ABCA6: variants seen among roughly 807,000 people sequenced by gnomAD.
The protein encoded by ABCA6 is ATP-binding cassette sub-family A member 6.
Under a neutral mutation model 191.2 loss-of-function variants are expected in ABCA6, and 164 were observed. The observed-to-expected ratio is 0.86, with a 90% confidence interval of 0.76 to 0.98. The LOEUF is 0.98. Ranked by LOEUF, ABCA6 falls within the 50% of genes least tolerant of loss-of-function variation. The pLI, the probability that ABCA6 is intolerant of heterozygous loss-of-function variation, is 0.00. For synonymous variants in ABCA6, 636 were observed against 647.7 expected (o/e 0.98, Z 0.27); for missense variants, 1,958 against 1,894.1 (o/e 1.03, Z -0.63).
Position 69,100,882 on chromosome 17 carries a change from A to G in ABCA6, c.2927T>C (p.Ile976Thr). The change falls in exon 22 of 39, where the codon ATT becomes ACT. Residue 976 changes from isoleucine to threonine, a missense_variant. Transcript: ENST00000284425. Reference sequence around the variant, plus strand: ...CCCATTGCTGATAATATTCATAAGAATTGGAAAACAGTGCAATCTCTTGGT... The same window carrying G: ...CCCATTGCTGATAATATTCATAAGAGTTGGAAAACAGTGCAATCTCTTGGT... The part of the protein sequence containing the change: ...CNTKRLHCFP[I>T]LMNIISNGLL... 1 of 1,610,724 alleles carries G rather than the reference A, an allele frequency of 6.2e-7. No homozygotes were observed. Among genetic ancestry groups the G allele is most frequent in the Non-Finnish European group, 8.5e-7 (1 of 1,177,650 alleles).
intron 37 of ABCA6, 54 bp from the exon 38 acceptor site, chr17:69,079,319 A>G (rs1339257211): frequency 1.4e-6 from 2 of 1,430,656 alleles, no homozygotes; most frequent in African/African-American, 2.9e-5. Flanking sequence ...TTTATTACCA[A>G]GAATTTTTTC....
chr17:69,104,092 G>C (rs1598463070), intron 20 of ABCA6: 1 of 151,910 alleles, frequency 6.6e-6, no homozygotes, highest in Non-Finnish European at 1.5e-5. Flanking sequence ...ACAGTCACTT[G>C]AGGTGCAATG....
Position 69,137,453 on chromosome 17 carries a change from G to A in ABCA6, c.144C>T (p.Ser48=), listed in dbSNP as rs528791988. The A allele has an allele frequency of 3.7e-6, 6 of 1,613,660 alleles. No individual in the cohort carries two copies. The highest frequency in any genetic ancestry group is 2.2e-5 in the South Asian group (2 of 91,084). The change falls in exon 3 of 39, where the codon TCC becomes TCT. Residue 48 remains serine (S), a synonymous_variant. Transcript: ENST00000284425. The stretch of plus-strand genomic sequence containing the variant: ...GAAACTGGACATTTCTCATGGAACT[G>A]GAAAACAGAGCAATACACAGTCCTA... ...ILLGLCIALF[S]SSMRNVQFPG...
chr17:69,101,196 T>G (rs1338130458), intron 21 of ABCA6, among the ~76,000 whole-genome samples: 1 of 152,230 alleles, frequency 6.6e-6, no homozygotes. Flanking sequence ...TTTATTTGTA[T>G]TACTAATTTT....
intron 4 of ABCA6, chr17:69,135,416 C>A (rs1053609558): frequency 6.6e-6 from 1 of 152,320 alleles, no homozygotes; most frequent in African/African-American, 2.4e-5. Flanking sequence ...ATTTTGGAAA[C>A]CGAATTACAC....
chr17:69,088,217 G>A lies in ABCA6; in HGVS notation c.3648C>T (p.Cys1216=). The part of the protein sequence containing the change: ...QTLLFVFVLR[C]MELKCGKKRM... ...TTTTCTTTCCACATTTTAGTTCCAT[G>A]CATCTTAGAACAAAAACGAATAGCA... Residue 1216 remains cysteine, a synonymous_variant, in exon 28 of 39, where the codon TGC becomes TGT. Transcript: ENST00000284425. 6.2e-7 allele frequency: 1 copy of A among 1,612,356 alleles called. No individual in the cohort carries two copies. The highest frequency in any genetic ancestry group is 1.1e-5 in the South Asian group (1 of 90,766).
intron 2 of ABCA6, among the ~76,000 whole-genome samples, chr17:69,139,156 G>C (rs1254752354): frequency 6.6e-6 from 1 of 152,092 alleles, no homozygotes; most frequent in African/African-American, 2.4e-5. Context: ...AGGGTGAACA[G>C]GCAACCTACA....
chr17:69,101,661 T>G (rs1044580297), intron 21 of ABCA6, among the ~76,000 whole-genome samples: 2 of 151,702 alleles, frequency 1.3e-5, no homozygotes, highest in Non-Finnish European at 2.9e-5. Flanking sequence ...GAGATAAGCA[T>G]GGAGTTCATT....
At chr17:69,128,929 A>C in intron 7 of ABCA6, 125 bp from the exon 8 acceptor site, 1 of 736,646 alleles carries the variant, frequency 1.4e-6, no homozygotes, top group Non-Finnish European at 2.1e-6. Context: ...GAAAGTGGTG[A>C]AAATATTAAG....
chr17:69,128,636 T>C lies in ABCA6; in HGVS notation c.1102A>G (p.Thr368Ala). The C allele has an allele frequency of 1.9e-6, 3 of 1,611,852 alleles. No individual in the cohort carries two copies. Among genetic ancestry groups the C allele is most frequent in the Non-Finnish European group, 2.5e-6 (3 of 1,178,854 alleles). ...GCTCTTACCTGAATCATTCCAGTAG[T>C]AAAGGCAAAAGGGCTACAAATATTC... ...ILNICSPFAFTTGMIQIIKLD... is the reference protein window; with the variant it reads ...ILNICSPFAFATGMIQIIKLD... The change falls in exon 8 of 39, where the codon ACT becomes GCT. Residue 368 changes from threonine (T) to alanine (A), a missense_variant. Transcript: ENST00000284425.
chr17:69,137,614 C>A (rs1028108269), intron 2 of ABCA6, 114 bp from the exon 3 acceptor site: 5 of 920,374 alleles, frequency 5.4e-6, no homozygotes, highest in Middle Eastern at 3.3e-4. Context: ...CAGTTATGTT[C>A]TCTCTGCTCT....
intron 28 of ABCA6, 143 bp downstream of exon 28, chr17:69,088,024 A>T: frequency 1.4e-6 from 1 of 710,704 alleles, no homozygotes; most frequent in Middle Eastern, 3.5e-4. Flanking sequence ...TCTTGGCAGT[A>T]AGGCAGCAAT....
chr17:69,111,433 C>T (rs1024850073), intron 16 of ABCA6: 4 of 152,772 alleles, frequency 2.6e-5, no homozygotes, highest in South Asian at 2.1e-4. Context: ...TCCCATAATT[C>T]CCACATGTCA....
rs1246527524 is a variant in ABCA6, at chr17:69,139,101, C to A, written c.96+1507G>T. Among the ~76,000 whole-genome samples, 9 of 152,272 alleles carry A rather than the reference C, an allele frequency of 5.9e-5. No individual in the cohort carries two copies. In the East Asian group the frequency reaches 1.5e-3, roughly 26 times the overall value. On this transcript the variant is annotated intron_variant, in intron 2 of 38. Coordinates refer to ENST00000284425, the MANE Select transcript of ABCA6 (RefSeq NM_080284.3). ...AAAAGCTAAAATTGACAAATGAGAT[C>A]TAATTAAACTAAAGAGCTTCTGCAC...
intron 11 of ABCA6, among the ~76,000 whole-genome samples, chr17:69,117,527 C>T (rs1007089263): frequency 4.0e-5 from 6 of 151,870 alleles, no homozygotes; most frequent in African/African-American, 1.4e-4. Context: ...TTTAGTTAAC[C>T]TCACCAGTAC....
chr17:69,123,915 AT>A (rs1228930263), intron 9 of ABCA6, among the ~76,000 whole-genome samples: 1 of 152,058 alleles, frequency 6.6e-6, no homozygotes, highest in African/African-American at 2.4e-5. Context: ...TATTTATTAA[AT>A]TTTTTTAAAA....
At position 69,129,729 on chromosome 17, in the gene ABCA6, C is replaced by T. The variant is rs191177679; in HGVS notation, c.814G>A (p.Ala272Thr). Residue 272 changes from alanine to threonine, a missense_variant, in exon 7 of 39, where the codon GCT becomes ACT. By Grantham distance (58) the Ala-to-Thr change is moderately conservative. Transcript: ENST00000284425. Reference sequence around the variant, plus strand: ...ATGGAAATAATAAAGATGAAGCCAGCATAGATTAGACCCCAGGAGAGCCTA... The same window carrying T: ...ATGGAAATAATAAAGATGAAGCCAGTATAGATTAGACCCCAGGAGAGCCTA... ...AFWLSWGLIY[A>T]GFIFIISIFV... The T allele has an allele frequency of 6.2e-7, 1 of 1,601,194 alleles. No individual in the cohort carries two copies. Among genetic ancestry groups the T allele is most frequent in the Non-Finnish European group, 8.5e-7 (1 of 1,172,048 alleles).
chr17:69,119,750 TCA>T (rs926221464), intron 10 of ABCA6, among the ~76,000 whole-genome samples: 4 of 152,036 alleles, frequency 2.6e-5, no homozygotes, highest in Non-Finnish European at 4.4e-5. Context: ...ATACATGCAC[TCA>T]CACACACATA....
At position 69,084,287 on chromosome 17, in the gene ABCA6, T is replaced by C. The variant is rs1205330160; in HGVS notation, c.4329A>G (p.Ile1443Met). ...ACATTTGCTGCTGCCCTGTGGGGTC[T>C]ATGCCCGTAGATGGTTCATCCAGGA... ...VLLLDEPSTG[I>M]DPTGQQQMWQ... Residue 1443 changes from isoleucine to methionine, a missense_variant, in exon 34 of 39, where the codon ATA becomes ATG. By Grantham distance (10) the Ile-to-Met change is conservative. Transcript: ENST00000284425. 6.2e-6 allele frequency: 10 copies of C among 1,614,080 alleles called. No homozygotes were observed. The highest frequency in any genetic ancestry group is 8.5e-6 in the Non-Finnish European group (10 of 1,180,024).
Sources: gnomAD v4.1 joint callset for allele counts (sites outside exome capture counted in the v4.1 genomes callset) on GRCh38, gnomAD v4.1.1 for gene constraint, MANE v1.5 for transcripts, NCBI Gene and HGNC (gene_info 2026-07-23, HGNC 2026-07-21) for gene names.